Variants in CDK10 observed in about 807,000 individuals in gnomAD.
CDK10 encodes the protein cyclin dependent kinase 10, also known as cyclin-dependent kinase 10.
In CDK10, 55 loss-of-function variants were observed where a neutral mutation model predicts 51.0. The observed-to-expected ratio is 1.08, with a 90% CI of 0.87 to 1.35. The LOEUF is 1.35. CDK10 is among the 40% of genes most tolerant of loss of function. The probability of loss-of-function intolerance (pLI) is 0.00; values close to 1 mark genes in which losing one functional copy is unlikely to be tolerated. For synonymous variants in CDK10, 255 were observed against 199.1 expected, an observed-to-expected ratio of 1.28 and a Z score of -2.36; for missense variants, 589 against 485.1, an observed-to-expected ratio of 1.21 and a Z score of -2.01.
chr16:89,693,702 G>A (rs548184638), intron 8 of CDK10: 19 of 585,502 alleles, frequency 3.2e-5, no homozygotes, highest in African/African-American at 1.9e-4. Context: ...GACACACCTC[G>A]CCTTGAGAGC....
chr16:89,692,177 C>G, intron 5 of CDK10: 1 of 521,710 alleles, frequency 1.9e-6, no homozygotes, highest in South Asian at 2.3e-5. Flanking sequence ...TCCTGGGCTG[C>G]TGGGAGCGGG....
Position 89,693,428 on chromosome 16 carries a change from T to C in CDK10, c.569T>C (p.Val190Ala). ...TTCGGCCTGGCCCGGGCCTATGGTGTCCCAGTAAAGCCAATGACCCCCAAG... is the reference window on the plus strand; with the variant it reads ...TTCGGCCTGGCCCGGGCCTATGGTGCCCCAGTAAAGCCAATGACCCCCAAG... ...ADFGLARAYG[V>A]PVKPMTPKVV... is the part of the protein sequence containing the mutation. Residue 190 changes from valine to alanine, a missense_variant, in exon 8 of 13, where the codon GTC becomes GCC. Transcript: ENST00000353379. 1 of 1,614,200 alleles carries C rather than the reference T, an allele frequency of 6.2e-7. No individual in the cohort carries two copies. The highest frequency in any genetic ancestry group is 2.2e-5 in the East Asian group (1 of 44,882).
chr16:89,689,313 A>G lies in CDK10; in HGVS notation c.149A>G (p.Tyr50Cys), dbSNP rs775658783. 1 of 1,613,962 alleles carries G rather than the reference A, an allele frequency of 6.2e-7. No individual in the cohort carries two copies. The highest frequency in any genetic ancestry group is 8.5e-7 in the Non-Finnish European group (1 of 1,179,904). Residue 50 changes from tyrosine (Y) to cysteine (C), a missense_variant, in exon 2 of 13, where the codon TAC (tyrosine) becomes TGC (cysteine). Physicochemically the swap from Tyr to Cys is radical, Grantham distance 194. Transcript: ENST00000353379. ...CTGAACCGCATTGGAGAGGGTACCTACGGCATTGTGTGTGAGTGGCCAAGG... is the reference window on the plus strand; with the variant it reads ...CTGAACCGCATTGGAGAGGGTACCTGCGGCATTGTGTGTGAGTGGCCAAGG... ...EKLNRIGEGT[Y>C]GIVYRARDTQ...
At chr16:89,690,260 A>C (rs142830012) in intron 2 of CDK10, 10 of 462,032 alleles carry the variant, frequency 2.2e-5, no homozygotes, top group African/African-American at 1.9e-4. Context: ...AGTGATCTGC[A>C]TGCTAAGGAG....
chr16:89,692,652 T>A, intron 6 of CDK10, 136 bp downstream of exon 6: 2 of 554,670 alleles, frequency 3.6e-6, no homozygotes, highest in East Asian at 6.8e-5. Context: ...TTTGTGTTTT[T>A]TTCTAAAATA....
At chr16:89,692,562 C>A in intron 6 of CDK10, 46 bp downstream of exon 6, 1 of 1,464,928 alleles carries the variant, frequency 6.8e-7, no homozygotes, top group Non-Finnish European at 9.3e-7. Context: ...TCGGCTGAGG[C>A]CTAACTCTGC....
intron 3 of CDK10, among the ~76,000 whole-genome samples, chr16:89,691,018 G>T (rs1415979567): frequency 6.6e-6 from 1 of 152,238 alleles, no homozygotes; most frequent in Non-Finnish European, 1.5e-5. Context: ...GGGCATGGTG[G>T]CTCATGCCTG....
chr16:89,690,334 G>T, intron 2 of CDK10: 1 of 581,244 alleles, frequency 1.7e-6, no homozygotes, highest in South Asian at 2.0e-5. Context: ...ACAGAGCAAA[G>T]TTGGGCACCC....
chr16:89,693,933 G>T (rs1022392111), intron 8 of CDK10: 3 of 599,624 alleles, frequency 5.0e-6, no homozygotes, highest in African/African-American at 3.7e-5. Flanking sequence ...GGCTGGTGTG[G>T]CTGTGTGCCG....
intron 8 of CDK10, 102 bp downstream of exon 8, chr16:89,693,569 T>A: frequency 8.6e-7 from 1 of 1,169,518 alleles, no homozygotes. Context: ...TTGGGAATGT[T>A]AAGCTACAGG....
chr16:89,696,118 G>A lies in CDK10; in HGVS notation c.*426G>A, dbSNP rs560611762. 80 of 446,282 alleles carry A rather than the reference G, an allele frequency of 1.8e-4. No homozygotes were observed. In the Middle Eastern group the frequency reaches 1.9e-3, roughly 11 times the overall value. The allele number at this position is 446,282 out of a possible 1,614,324, so 27.6% of individuals were successfully genotyped here. A position where few individuals can be genotyped will look rare whatever the true frequency, so the allele number is the denominator to read the frequency against. On this transcript the variant is annotated 3_prime_UTR_variant, in exon 13 of 13. Transcript: ENST00000353379. ...CCTCTCAGTCGCCCGGGGCTGTCCC[G>A]TGCATGGGTTGGCTGTGGGGACCCC...
chr16:89,695,210 A>C, intron 11 of CDK10, 83 bp from the exon 12 acceptor site: 1 of 1,546,062 alleles, frequency 6.5e-7, no homozygotes, highest in South Asian at 1.2e-5. Flanking sequence ...TCCTTTGAGC[A>C]TTTGAATCAC....
intron 2 of CDK10, 177 bp from the exon 3 acceptor site, chr16:89,690,376 G>A (rs996406547): frequency 5.9e-5 from 37 of 626,746 alleles, no homozygotes; most frequent in Non-Finnish European, 1.1e-4. Flanking sequence ...AACCCTCCGG[G>A]GGAACGCGTC....
At position 89,695,575 on chromosome 16, in the gene CDK10, C is replaced by T. The variant is rs2060685529; in HGVS notation, c.986-20C>T. 1 of 1,593,794 alleles carries T rather than the reference C, an allele frequency of 6.3e-7. No individual in the cohort carries two copies. The highest frequency in any genetic ancestry group is 8.5e-7 in the Non-Finnish European group (1 of 1,172,322). On this transcript the variant is annotated intron_variant, in intron 12 of 12. Transcript: ENST00000353379. ...ATCTGGGGCCCTGCCCCGCCCAGCA[C>T]TGAACCCTTCTCCCTGCAGCCTGTG...
intron 8 of CDK10, 133 bp downstream of exon 8, chr16:89,693,600 G>T (rs773700549): frequency 1.1e-6 from 1 of 871,236 alleles, no homozygotes; most frequent in Admixed American, 2.1e-5. Flanking sequence ...ACTCAGAAAC[G>T]TTGGGTCTAG....
At position 89,686,786 on chromosome 16, in the gene CDK10, C is replaced by T. The variant is rs766945102; in HGVS notation, c.76C>T (p.Pro26Ser). Residue 26 changes from proline to serine, a missense_variant, in exon 1 of 13, where the codon CCG (proline) becomes TCG (serine). Transcript: ENST00000353379. Reference sequence around the variant, plus strand: ...TAAGGAGGGCTTCTTCACGGTGCCTCCGGAACACAGGGTGCGCGGGGTGCC... The same window carrying T: ...TAAGGAGGGCTTCTTCACGGTGCCTTCGGAACACAGGGTGCGCGGGGTGCC... ...IRKEGFFTVP[P>S]EHRLGRCRSV... 3 of 1,611,676 alleles carry T rather than the reference C, an allele frequency of 1.9e-6. No homozygotes were observed. The highest frequency in any genetic ancestry group is 1.7e-4 in the Middle Eastern group (1 of 6,058).
intron 5 of CDK10, 104 bp downstream of exon 5, chr16:89,691,991 G>A: frequency 1.1e-6 from 1 of 870,094 alleles, no homozygotes; most frequent in East Asian, 2.6e-5. Flanking sequence ...AGCTGCTGCT[G>A]CCTCTGCCTC....
chr16:89,692,226 C>T (rs1364542563), intron 5 of CDK10: 3 of 543,734 alleles, frequency 5.5e-6, no homozygotes, highest in Non-Finnish European at 9.6e-6. Context: ...CACTGGTTTT[C>T]TGGGCTGCTG....
chr16:89,692,787 C>A, intron 6 of CDK10: 1 of 308,894 alleles, frequency 3.2e-6, no homozygotes, highest in Non-Finnish European at 5.9e-6. Flanking sequence ...GCATGCACTC[C>A]GATTTTTAAA....
Sources: gnomAD v4.1 joint callset for allele counts (sites outside exome capture counted in the v4.1 genomes callset) on GRCh38, gnomAD v4.1.1 for gene constraint, MANE v1.5 for transcripts, NCBI Gene and HGNC (gene_info 2026-07-23, HGNC 2026-07-21) for gene names.